Variants in DNM3 observed in about 807,000 individuals in gnomAD.
DNM3 encodes the protein dynamin 3, also known as dynamin-3.
A neutral mutation model predicts 101.6 loss-of-function variants in DNM3; 47 were observed. The observed-to-expected ratio is 0.46, with a 90% CI of 0.37 to 0.59. The LOEUF (loss-of-function observed/expected upper bound fraction) is 0.59, where lower values mean the gene tolerates loss of function less well. DNM3 is among the 20% of genes least tolerant of loss of function. DNM3 has a pLI of 0.00. For synonymous variants in DNM3, 385 were observed against 387.9 expected (o/e 0.99, Z 0.09); for missense variants, 849 against 1,085.7 (o/e 0.78, Z 3.06).
intron 15 of DNM3, among the ~76,000 whole-genome samples, chr1:172,306,320 A>G (rs1385573064): frequency 6.6e-6 from 1 of 152,230 alleles, no homozygotes; most frequent in African/African-American, 2.4e-5. Context: ...CCAGCTTACA[A>G]GGCATGTGAA....
At chr1:172,206,414 T>C (rs2060323644) in intron 14 of DNM3, among the ~76,000 whole-genome samples, 1 of 152,180 alleles carries the variant, frequency 6.6e-6, no homozygotes, top group South Asian at 2.1e-4. Context: ...ATGTTTTATG[T>C]CTACTTCCTC....
At chr1:172,199,488 T>C (rs1262718060) in intron 14 of DNM3, among the ~76,000 whole-genome samples, 1 of 152,134 alleles carries the variant, frequency 6.6e-6, no homozygotes, top group African/African-American at 2.4e-5. Context: ...TGTTGATCTG[T>C]CTAATACTGT....
rs2056912991 is a variant in DNM3, at chr1:172,131,097, A to G, written c.1546-78A>G. 3.3e-6 allele frequency: 4 copies of G among 1,226,678 alleles called. No individual in the cohort carries two copies. In the South Asian group the frequency reaches 5.2e-5, roughly 16 times the overall value. The allele number at this position is 1,226,678 out of a possible 1,614,324, so 76.0% of individuals were successfully genotyped here. A position where few individuals can be genotyped will look rare whatever the true frequency, so the allele number is the denominator to read the frequency against. On this transcript the variant is annotated intron_variant, in intron 13 of 20. Coordinates refer to ENST00000627582, the MANE Select transcript of DNM3 (RefSeq NM_015569.5). ...TATTGCAATTAATATCTTGTTTTTA[A>G]CTTCTTAGTCCAAGACATCTAATCT... is the stretch of plus-strand genomic sequence containing the variant.
intron 15 of DNM3, among the ~76,000 whole-genome samples, chr1:172,268,586 C>T (rs966491655): frequency 8.5e-5 from 13 of 152,080 alleles, no homozygotes; most frequent in Non-Finnish European, 1.5e-4. Context: ...CCAAAATTCT[C>T]GGCCCATTTG....
At chr1:172,276,557 A>ATGTGTG (rs60837783) in intron 15 of DNM3, among the ~76,000 whole-genome samples, 2,497 of 144,336 alleles carry the variant, frequency 0.017, 28 homozygotes, top group African/African-American at 0.028. Flanking sequence ...AAAAATCTTA[A>ATGTGTG]TGTGTGTGTG....
intron 14 of DNM3, among the ~76,000 whole-genome samples, chr1:172,151,085 TAA>T (rs545959664): frequency 5.6e-4 from 86 of 152,308 alleles, no homozygotes; most frequent in Admixed American, 2.0e-3. Context: ...AATATGTATA[TAA>T]GTGTGTATGT....
At chr1:172,214,220 T>C (rs1459111145) in intron 14 of DNM3, among the ~76,000 whole-genome samples, 2 of 152,110 alleles carry the variant, frequency 1.3e-5, no homozygotes, top group Non-Finnish European at 2.9e-5. Context: ...TCATAATCCT[T>C]ATGGAGGAAA....
intron 1 of DNM3, among the ~76,000 whole-genome samples, chr1:171,901,130 A>G (rs2038304830): frequency 2.7e-5 from 4 of 145,486 alleles, no homozygotes; most frequent in Non-Finnish European, 6.0e-5. Context: ...AAAAAAAAAA[A>G]AGAAAGAAAT....
intron 2 of DNM3, among the ~76,000 whole-genome samples, chr1:171,957,199 C>CTTT (rs377678762): frequency 3.6e-5 from 5 of 138,342 alleles, no homozygotes; most frequent in Non-Finnish European, 7.8e-5. Context: ...TTCTTTCTTT[C>CTTT]TTTTTTTTTT....
intron 4 of DNM3, among the ~76,000 whole-genome samples, chr1:172,025,930 G>A (rs575750040): frequency 1.3e-5 from 2 of 152,196 alleles, no homozygotes; most frequent in Admixed American, 1.3e-4. Context: ...TCGTCGGAAA[G>A]GGAACAAAAC....
At chr1:172,154,512 T>C (rs1230614481) in intron 14 of DNM3, among the ~76,000 whole-genome samples, 2 of 152,120 alleles carry the variant, frequency 1.3e-5, no homozygotes, top group Admixed American at 6.6e-5. Flanking sequence ...CACATGAAAT[T>C]CACTACATAA....
At chr1:172,220,346 A>G (rs866659588) in intron 14 of DNM3, among the ~76,000 whole-genome samples, 17 of 152,172 alleles carry the variant, frequency 1.1e-4, no homozygotes, top group Non-Finnish European at 1.9e-4. Flanking sequence ...CAAATTGGCT[A>G]TAATGGGGAG....
intron 16 of DNM3, 118 bp downstream of exon 16, chr1:172,308,957 C>T (rs2064965486): frequency 2.0e-6 from 1 of 498,076 alleles, no homozygotes. Flanking sequence ...TAATTAGTTA[C>T]ACTTTTAGCT....
At position 172,408,014 on chromosome 1, in the gene DNM3, TG is replaced by T. The variant is rs1558103439; in HGVS notation, c.*177del. On this transcript the variant is annotated 3_prime_UTR_variant, in exon 21 of 21. Transcript: ENST00000627582. ...CATTGCTCATGGTATGTCAAACCTT[TG>T]GGGTTTGACTCAGAAACTGCTAACC... is the stretch of plus-strand genomic sequence containing the variant. 6.9e-7 allele frequency: 1 copy of T among 1,457,052 alleles called. No individual in the cohort carries two copies. 90.3% of individuals were successfully genotyped at this position (1,457,052 alleles called of 1,614,324 possible).
At position 171,921,564 on chromosome 1, in the gene DNM3, G is replaced by T. The variant is rs2040171180; in HGVS notation, c.162-184G>T. Among the ~76,000 whole-genome samples, 3 of 152,022 alleles carry T rather than the reference G, an allele frequency of 2.0e-5. No individual in the cohort carries two copies. In the South Asian group the frequency reaches 6.2e-4, roughly 32 times the overall value. ...TACATGGATTTCTGTGCAATATAAG[G>T]CCCTCCTCCTCCTTTTTTTTAAATT... On this transcript the variant is annotated intron_variant, in intron 1 of 20. Coordinates refer to ENST00000627582, the MANE Select transcript of DNM3 (RefSeq NM_015569.5).
At chr1:171,985,265 A>T (rs1412796495) in intron 2 of DNM3, among the ~76,000 whole-genome samples, 1 of 151,916 alleles carries the variant, frequency 6.6e-6, no homozygotes, top group Non-Finnish European at 1.5e-5. Flanking sequence ...AATTATTTCT[A>T]ATTTTTCCTT....
chr1:172,256,198 T>C (rs1445017078), intron 15 of DNM3, among the ~76,000 whole-genome samples: 2 of 152,126 alleles, frequency 1.3e-5, no homozygotes, highest in East Asian at 3.9e-4. Flanking sequence ...CTGGTTTTAA[T>C]ATCAAGGTTC....
At chr1:172,059,928 A>G (rs1352502844) in intron 10 of DNM3, among the ~76,000 whole-genome samples, 1 of 135,224 alleles carries the variant, frequency 7.4e-6, no homozygotes, top group Non-Finnish European at 1.6e-5. Context: ...AGACGACATG[A>G]TTGTATATCT....
At chr1:172,265,017 A>G (rs1333873272) in intron 15 of DNM3, among the ~76,000 whole-genome samples, 1 of 152,230 alleles carries the variant, frequency 6.6e-6, no homozygotes, top group Non-Finnish European at 1.5e-5. Flanking sequence ...CTGTAAGATC[A>G]TACAAATTTC....
Sources: allele counts gnomAD v4.1 joint callset (sites outside exome capture counted in the v4.1 genomes callset), GRCh38; gene constraint gnomAD v4.1.1; transcripts MANE v1.5; gene names NCBI Gene and HGNC (gene_info 2026-07-23, HGNC 2026-07-21).